MYADML2: variants seen among roughly 807,000 people sequenced by gnomAD.
MYADML2 encodes myeloid associated differentiation marker like 2, also known as myeloid-associated differentiation marker-like protein 2.
Under a neutral mutation model 16.0 loss-of-function variants are expected in MYADML2, and 17 were observed. That is an observed-to-expected ratio of 1.06 (90% CI 0.73 to 1.60). MYADML2 has a LOEUF of 1.60. MYADML2 is among the 40% of genes most tolerant of loss of function. The pLI is 0.00. For synonymous variants in MYADML2, 210 were observed against 208.1 expected (o/e 1.01, Z -0.08); for missense variants, 422 against 437.7 (o/e 0.96, Z 0.32).
At chr17:81,944,444 G>T (rs1158992927) in intron 1 of MYADML2, among the ~76,000 whole-genome samples, 1 of 152,058 alleles carries the variant, frequency 6.6e-6, no homozygotes, top group Non-Finnish European at 1.5e-5. Flanking sequence ...TCTCTGCCCT[G>T]GGTTTCTGAG....
rs111251423 is a variant in MYADML2 at position 81,945,842 on chromosome 17, G to A, written c.-181+1217C>T. Among the ~76,000 whole-genome samples the A allele has an allele frequency of 6.3e-3, 959 of 152,020 alleles. 11 individuals are homozygous for A. Among genetic ancestry groups the A allele is most frequent in the African/African-American group, 0.021 (885 of 41,354 alleles). On this transcript the variant is annotated intron_variant, in intron 1 of 2. Transcript: ENST00000409745. ...TGATTATGCCGTCACACTCCAGCCC[G>A]GGCAACACAATGAAACCCCATCTCC...
rs899601839 is a variant in MYADML2, at chr17:81,942,631, G to A, written c.-180-258C>T. On this transcript the variant is annotated intron_variant, in intron 1 of 2. Transcript: ENST00000409745. This position sits in a 1 kb window ranked among gnomAD's most constrained non-coding sequence, Gnocchi z 4.4. ...CACCCAGGCTGGAGTGCAATGGCGC[G>A]ATCTCGGCTCCCAGGTTCAAGCAAT... Among the ~76,000 whole-genome samples, 1 of 152,054 alleles carries A rather than the reference G, an allele frequency of 6.6e-6. No individual in the cohort carries two copies. The highest frequency in any genetic ancestry group is 1.5e-5 in the Non-Finnish European group (1 of 68,000).
At chr17:81,943,149 A>G (rs1409010314) in intron 1 of MYADML2, among the ~76,000 whole-genome samples, 1 of 151,340 alleles carries the variant, frequency 6.6e-6, no homozygotes, top group African/African-American at 2.4e-5. Context: ...TGCTCACTGC[A>G]AGCTCCGCCT....
chr17:81,941,338 G>A lies in MYADML2; in HGVS notation c.404C>T (p.Ala135Val). Residue 135 changes from alanine to valine, a missense_variant, in exon 3 of 3, where the codon GCC (alanine) becomes GTC (valine). Coordinates refer to ENST00000409745, the MANE Select transcript of MYADML2 (RefSeq NM_001145113.3). Reference sequence around the variant, plus strand: ...AGCGTAGGCCAGGAAGAGGAGCCCGGCGAAGACACTGGCTGCCAGGCGGAA... The same window carrying A: ...AGCGTAGGCCAGGAAGAGGAGCCCGACGAAGACACTGGCTGCCAGGCGGAA... ...RDFRLAASVF[A>V]GLLFLAYAVE... is the part of the protein sequence containing the mutation. 6.5e-7 allele frequency: 1 copy of A among 1,549,134 alleles called. No homozygotes were observed. The highest frequency in any genetic ancestry group is 8.7e-7 in the Non-Finnish European group (1 of 1,146,340).
At chr17:81,946,169 A>G (rs1007739073) in intron 1 of MYADML2, among the ~76,000 whole-genome samples, 5 of 151,684 alleles carry the variant, frequency 3.3e-5, no homozygotes, top group Admixed American at 3.3e-4. Context: ...AGCCAGGCCA[A>G]CATGGTGAAA....
rs2041288076 is a variant in MYADML2 at position 81,939,961 on chromosome 17, C to G, written c.*857G>C. ...GATGCCCACAGTGCACAGATGCCCGCCGGGCACTGCTGAAGCTGCTTCGTC... is the reference window on the plus strand; with the variant it reads ...GATGCCCACAGTGCACAGATGCCCGGCGGGCACTGCTGAAGCTGCTTCGTC... On this transcript the variant is annotated 3_prime_UTR_variant, in exon 3 of 3. Transcript: ENST00000409745. 1 of 152,336 alleles carries G rather than the reference C, an allele frequency of 6.6e-6. No individual in the cohort carries two copies. The highest frequency in any genetic ancestry group is 6.5e-5 in the Admixed American group (1 of 15,288). 9.4% of individuals were successfully genotyped at this position (152,336 alleles called of 1,614,324 possible).
intron 1 of MYADML2, among the ~76,000 whole-genome samples, chr17:81,946,224 G>A (rs575143902): frequency 1.3e-5 from 2 of 151,844 alleles, no homozygotes; most frequent in Admixed American, 6.6e-5. Flanking sequence ...GCGTGGTGGT[G>A]GGTGCCTGTA....
At chr17:81,946,880 G>A (rs192430772) in intron 1 of MYADML2, among the ~76,000 whole-genome samples, 179 bp downstream of exon 1, 18 of 152,188 alleles carry the variant, frequency 1.2e-4, no homozygotes, top group African/African-American at 2.9e-4. Flanking sequence ...CAGAGGCTGA[G>A]GCAGGAGACT....
Position 81,940,722 on chromosome 17 carries a change from C to T in MYADML2, c.*96G>A. On this transcript the variant is annotated 3_prime_UTR_variant, in exon 3 of 3. Transcript: ENST00000409745. ...CTCCCCTGAGCCCGCGGCTTCCCTCCTGCTCGCTACTTGACACTTTGGTTC... is the reference window on the plus strand; with the variant it reads ...CTCCCCTGAGCCCGCGGCTTCCCTCTTGCTCGCTACTTGACACTTTGGTTC... 7.4e-7 allele frequency: 1 copy of T among 1,352,022 alleles called. No individual in the cohort carries two copies. The highest frequency in any genetic ancestry group is 1.5e-5 in the South Asian group (1 of 65,686). The allele number at this position is 1,352,022 out of a possible 1,614,324, so 83.8% of individuals were successfully genotyped here. A position where few individuals can be genotyped will look rare whatever the true frequency, so the allele number is the denominator to read the frequency against.
chr17:81,941,639 T>C lies in MYADML2; in HGVS notation c.103A>G (p.Thr35Ala), dbSNP rs771216474. 3 of 1,549,528 alleles carry C rather than the reference T, an allele frequency of 1.9e-6. No individual in the cohort carries two copies. The South Asian group carries it at 3.6e-5, about 18-fold the overall frequency. Residue 35 changes from threonine (T) to alanine (A), a missense_variant, in exon 3 of 3, where the codon ACT becomes GCT. Thr to Ala is a moderately conservative substitution (Grantham distance 58). Transcript: ENST00000409745. ...ARVLQLAFGC[T>A]TFSLVAHRGG... ...CGGTGGGCCACCAGGCTGAAGGTAG[T>C]GCAGCCAAAGGCCAGCTGCAGCACG...
chr17:81,942,841 A>G lies in MYADML2; in HGVS notation c.-180-468T>C, dbSNP rs1478318840. ...GCTGGGATTATAGGCGTGAGCCACTAGGTCCGGCCCCTCTTTTTTTTCGAG... is the reference window on the plus strand; with the variant it reads ...GCTGGGATTATAGGCGTGAGCCACTGGGTCCGGCCCCTCTTTTTTTTCGAG... On this transcript the variant is annotated intron_variant, in intron 1 of 2. Coordinates refer to ENST00000409745, the MANE Select transcript of MYADML2 (RefSeq NM_001145113.3). This position sits in a 1 kb window ranked among gnomAD's most constrained non-coding sequence, Gnocchi z 4.4. Among the ~76,000 whole-genome samples the G allele has an allele frequency of 6.7e-6, 1 of 149,458 alleles. No individual in the cohort carries two copies. Among genetic ancestry groups the G allele is most frequent in the African/African-American group, 2.5e-5 (1 of 40,672 alleles).
At chr17:81,943,158 C>G (rs2041318739) in intron 1 of MYADML2, among the ~76,000 whole-genome samples, 1 of 151,956 alleles carries the variant, frequency 6.6e-6, no homozygotes, top group Non-Finnish European at 1.5e-5. Flanking sequence ...CAAGCTCCGC[C>G]TCCCAGGTTC....
In MYADML2 at chr17:81,940,472, A is replaced by C; in HGVS notation, c.*346T>G. ...TCTAGCCTCCATGTCCCCAGCTGCA[A>C]AATGGGTCACAACAGCAGCTGCTTT... On this transcript the variant is annotated 3_prime_UTR_variant, in exon 3 of 3. Coordinates refer to ENST00000409745, the MANE Select transcript of MYADML2 (RefSeq NM_001145113.3). 1 of 240,584 alleles carries C rather than the reference A, an allele frequency of 4.2e-6. No individual in the cohort carries two copies. The highest frequency in any genetic ancestry group is 8.0e-5 in the East Asian group (1 of 12,504). 14.9% of individuals were successfully genotyped at this position (240,584 alleles called of 1,614,324 possible).
chr17:81,946,103 C>T (rs533620959), intron 1 of MYADML2, among the ~76,000 whole-genome samples: 3 of 152,014 alleles, frequency 2.0e-5, no homozygotes, highest in Non-Finnish European at 4.4e-5. Flanking sequence ...GCCTGTAATC[C>T]CAGCACGTTG....
chr17:81,941,220 C>T lies in MYADML2; in HGVS notation c.522G>A (p.Val174=), dbSNP rs1372019948. 2.6e-6 allele frequency: 4 copies of T among 1,550,044 alleles called. No individual in the cohort carries two copies. The highest frequency in any genetic ancestry group is 3.5e-6 in the Non-Finnish European group (4 of 1,146,932). ...CCAGCGCCCCGAAGATGATGCAGGC[C>T]ACGAAGGCCTGGACGATCTTGAGGA... The part of the protein sequence containing the change: ...SGLLKIVQAF[V]ACIIFGALVH... The change falls in exon 3 of 3, where the codon GTG becomes GTA. Residue 174 remains valine, a synonymous_variant. Transcript: ENST00000409745.
chr17:81,946,565 G>A (rs936607684), intron 1 of MYADML2, among the ~76,000 whole-genome samples: 1 of 148,826 alleles, frequency 6.7e-6, no homozygotes, highest in East Asian at 2.0e-4. Context: ...GGAGAATGGC[G>A]TGAACCCGGG....
In MYADML2 at chr17:81,941,447, A is replaced by G. The variant is rs768629002; in HGVS notation, c.295T>C (p.Cys99Arg). The G allele has an allele frequency of 2.6e-6, 4 of 1,549,354 alleles. No individual in the cohort carries two copies. Among genetic ancestry groups the G allele is most frequent in the South Asian group, 1.2e-5 (1 of 84,048 alleles). The change falls in exon 3 of 3, where the codon TGC becomes CGC. Residue 99 changes from cysteine to arginine, a missense_variant. Cys to Arg is a radical substitution (Grantham distance 180). Transcript: ENST00000409745. ...AAFAMLATLLCATAAVLYPLY... is the reference protein window; with the variant it reads ...AAFAMLATLLRATAAVLYPLY... Reference sequence around the variant, plus strand: ...GGATACAGGACCGCAGCCGTCGCGCATAGCAGGGTGGCCAGCATGGCGAAG... The same window carrying G: ...GGATACAGGACCGCAGCCGTCGCGCGTAGCAGGGTGGCCAGCATGGCGAAG...
At chr17:81,946,696 C>T (rs765383063) in intron 1 of MYADML2, among the ~76,000 whole-genome samples, 3 of 152,012 alleles carry the variant, frequency 2.0e-5, no homozygotes, top group East Asian at 3.8e-4. Flanking sequence ...TAAGGCCAGG[C>T]GCAGTGGCTC....
chr17:81,941,500 C>T lies in MYADML2; in HGVS notation c.242G>A (p.Arg81Gln), dbSNP rs185862624. 6.3e-5 allele frequency: 97 copies of T among 1,548,340 alleles called. 1 individual carries two copies. In the Admixed American group the frequency reaches 1.2e-3, roughly 19 times the overall value. ...CEFTRLHGCL[R>Q]LSWGNFTAAF... ...GGCGGTGAAGTTGCCCCAGGAGAGC[C>T]GCAGGCAGCCGTGGAGCCGTGTGAA... The change falls in exon 3 of 3, where the codon CGG (arginine) becomes CAG (glutamine). Residue 81 changes from arginine to glutamine, a missense_variant. Arg to Gln is a conservative substitution (Grantham distance 43). Transcript: ENST00000409745.
Sources: allele counts gnomAD v4.1 joint callset (sites outside exome capture counted in the v4.1 genomes callset), GRCh38; gene constraint gnomAD v4.1.1; non-coding constraint Gnocchi (gnomAD v3.1); transcripts MANE v1.5; gene names NCBI Gene and HGNC (gene_info 2026-07-23, HGNC 2026-07-21).